ZYG11B: variants seen among roughly 807,000 people sequenced by gnomAD.
ZYG11B encodes the protein zyg-11 family member B, cell cycle regulator, also known as protein zyg-11 homolog B.
ZYG11B carries 36 observed loss-of-function variants against 82.4 expected under a neutral mutation model. That is an observed-to-expected ratio of 0.44 (90% CI 0.33 to 0.58). The LOEUF is 0.58. Among genes scored for constraint, ZYG11B ranks in the 20% least tolerant of loss-of-function variants. The pLI is 0.02. For missense variants in ZYG11B, 552 were observed against 895.6 expected, an observed-to-expected ratio of 0.62 and a Z score of 4.90; for synonymous variants, 303 against 312.8, an observed-to-expected ratio of 0.97 and a Z score of 0.33.
chr1:52,784,776 T>C, intron 4 of ZYG11B, 101 bp from the exon 5 acceptor site: 1 of 1,306,592 alleles, frequency 7.7e-7, no homozygotes, highest in Non-Finnish European at 1.1e-6. Context: ...AAGAAAATTA[T>C]GACATCTTTG....
At chr1:52,776,229 A>AAAAAAAAATATATATATAT in intron 3 of ZYG11B, among the ~76,000 whole-genome samples, 12 of 23,514 alleles carry the variant, frequency 5.1e-4, no homozygotes, top group Non-Finnish European at 8.1e-4. Context: ...TAAAAAAAAA[A>AAAAAAAAATATATATATAT]ATATATATAT....
At chr1:52,758,766 A>T (rs1202693692) in intron 2 of ZYG11B, among the ~76,000 whole-genome samples, 2 of 152,182 alleles carry the variant, frequency 1.3e-5, no homozygotes, top group African/African-American at 2.4e-5. Context: ...TTCTCATGCC[A>T]GCAGTCTCTT....
chr1:52,819,315 T>C (rs532450501), intron 13 of ZYG11B, among the ~76,000 whole-genome samples: 1 of 152,250 alleles, frequency 6.6e-6, no homozygotes, highest in South Asian at 2.1e-4. Flanking sequence ...CATTAAACTG[T>C]CTCTGCCCTA....
intron 1 of ZYG11B, among the ~76,000 whole-genome samples, chr1:52,745,240 A>G (rs1558118888): frequency 6.6e-6 from 1 of 152,232 alleles, no homozygotes; most frequent in Admixed American, 6.5e-5. Flanking sequence ...TGTGTAAATG[A>G]CTAAATACTT....
chr1:52,795,551 A>G (rs1645000036), intron 6 of ZYG11B, among the ~76,000 whole-genome samples: 1 of 151,774 alleles, frequency 6.6e-6, no homozygotes, highest in Admixed American at 6.6e-5. Context: ...ATTTGTTGAC[A>G]TTTCTATGCC....
intron 10 of ZYG11B, 148 bp from the exon 11 acceptor site, chr1:52,813,387 TA>T: frequency 1.7e-6 from 1 of 604,806 alleles, no homozygotes; most frequent in Non-Finnish European, 2.8e-6. Context: ...TTGCAGTCTG[TA>T]AACTGCCCTC....
intron 1 of ZYG11B, among the ~76,000 whole-genome samples, chr1:52,737,818 G>C (rs1423209557): frequency 6.6e-6 from 1 of 152,248 alleles, no homozygotes; most frequent in Admixed American, 6.5e-5. Flanking sequence ...GTGTTTGATA[G>C]AGAATTGCAT....
chr1:52,811,797 A>G (rs1219264306), intron 10 of ZYG11B, among the ~76,000 whole-genome samples: 5 of 152,012 alleles, frequency 3.3e-5, no homozygotes, highest in South Asian at 4.1e-4. Flanking sequence ...TTGGGAGGCC[A>G]AGGCGGGCGG....
rs1318210569 is a variant in ZYG11B at position 52,771,817 on chromosome 1, T to A, written c.951+43T>A. On this transcript the variant is annotated intron_variant, in intron 3 of 13. Coordinates refer to ENST00000294353, the MANE Select transcript of ZYG11B (RefSeq NM_024646.3). This position sits in a 1 kb window ranked among gnomAD's most constrained non-coding sequence, Gnocchi z 5.4. ...TATTATTTTGTCAGGCTGACCAATA[T>A]CTTAGTTGCATAAGACTCTATTAAA... The A allele has an allele frequency of 6.4e-7, 1 of 1,562,174 alleles. No individual in the cohort carries two copies. The highest frequency in any genetic ancestry group is 8.7e-7 in the Non-Finnish European group (1 of 1,155,648).
At chr1:52,752,004 C>T (rs1489724121) in intron 1 of ZYG11B, among the ~76,000 whole-genome samples, 2 of 151,654 alleles carry the variant, frequency 1.3e-5, no homozygotes, top group African/African-American at 4.8e-5. Context: ...CTCCTATTCT[C>T]AGCAGACATC....
chr1:52,743,188 G>C (rs1226110388), intron 1 of ZYG11B, among the ~76,000 whole-genome samples: 1 of 151,912 alleles, frequency 6.6e-6, no homozygotes, highest in East Asian at 1.9e-4. Flanking sequence ...AGACGTAGGA[G>C]ACTCCATTTG....
At chr1:52,821,128 A>G (rs1387260014) in intron 13 of ZYG11B, among the ~76,000 whole-genome samples, 2 of 151,982 alleles carry the variant, frequency 1.3e-5, no homozygotes, top group Non-Finnish European at 2.9e-5. Flanking sequence ...TAAAAATATA[A>G]CAACACTTAC....
intron 2 of ZYG11B, among the ~76,000 whole-genome samples, chr1:52,768,596 CTT>C (rs142493514): frequency 5.8e-5 from 8 of 136,790 alleles, no homozygotes; most frequent in Admixed American, 1.5e-4. Context: ...CCTTCTTCCT[CTT>C]TTTTTTTTTT....
chr1:52,734,280 T>C (rs574338340), intron 1 of ZYG11B, among the ~76,000 whole-genome samples: 4 of 152,122 alleles, frequency 2.6e-5, no homozygotes, highest in Non-Finnish European at 4.4e-5. Flanking sequence ...TGTCAAGCCA[T>C]GAGCCCGGCA....
intron 13 of ZYG11B, among the ~76,000 whole-genome samples, chr1:52,820,688 C>G (rs1260479094): frequency 7.1e-6 from 1 of 140,326 alleles, no homozygotes; most frequent in Non-Finnish European, 1.5e-5. Context: ...ATCACCCCAG[C>G]CTGGGCAACA....
At position 52,821,455 on chromosome 1, in the gene ZYG11B, CA is replaced by C; in HGVS notation, c.2062del (p.Met688CysfsTer2). ...CSKNPSRYCS[M>X]LIEEGGLQHL... ...CTTTTTCAGCTTCAAGGTATTGCAG[CA>C]TGCTGATTGAAGAAGGAGGATTGCA... On this transcript the variant is annotated frameshift_variant, in exon 14 of 14. Coordinates refer to ENST00000294353, the MANE Select transcript of ZYG11B (RefSeq NM_024646.3). LOFTEE classifies it high-confidence loss of function. 3 of 1,589,024 alleles carry C rather than the reference CA, an allele frequency of 1.9e-6. No homozygotes were observed. The highest frequency in any genetic ancestry group is 2.6e-6 in the Non-Finnish European group (3 of 1,165,092).
chr1:52,775,245 TG>T (rs1644794339), intron 3 of ZYG11B, among the ~76,000 whole-genome samples: 1 of 152,192 alleles, frequency 6.6e-6, no homozygotes, highest in African/African-American at 2.4e-5. Flanking sequence ...AGCTCTCCCT[TG>T]AAGTCAGACT....
At chr1:52,807,884 C>T (rs1478069537) in intron 10 of ZYG11B, among the ~76,000 whole-genome samples, 6 of 152,120 alleles carry the variant, frequency 3.9e-5, no homozygotes, top group Non-Finnish European at 8.8e-5. Flanking sequence ...TGACTGAAAA[C>T]ATCTTTACTT....
intron 6 of ZYG11B, among the ~76,000 whole-genome samples, chr1:52,794,805 G>T (rs558380630): frequency 9.9e-5 from 15 of 152,268 alleles, no homozygotes; most frequent in African/African-American, 3.1e-4. Flanking sequence ...GGCAAATCCA[G>T]CTCTATCTTC....
Sources: gnomAD v4.1 joint callset for allele counts (sites outside exome capture counted in the v4.1 genomes callset) on GRCh38, gnomAD v4.1.1 for gene constraint, Gnocchi (gnomAD v3.1) non-coding constraint, MANE v1.5 for transcripts, NCBI Gene and HGNC (gene_info 2026-07-23, HGNC 2026-07-21) for gene names.